ZMAT4: variants seen among roughly 807,000 people sequenced by gnomAD.
The protein encoded by ZMAT4 is zinc finger matrin-type protein 4.
ZMAT4 carries 17 observed loss-of-function variants against 28.7 expected under a neutral mutation model. That is an observed-to-expected ratio of 0.59 (90% confidence interval 0.41 to 0.89). The LOEUF (loss-of-function observed/expected upper bound fraction) is 0.89. ZMAT4 is among the 40% of genes least tolerant of loss of function. The pLI, the probability that ZMAT4 is intolerant of heterozygous loss-of-function variation, is 0.00. For synonymous variants in ZMAT4, 117 were observed against 109.2 expected (o/e 1.07, Z -0.44); for missense variants, 240 against 283.8 (o/e 0.85, Z 1.11).
At chr8:40,616,814 C>T (rs553995405) in intron 5 of ZMAT4, among the ~76,000 whole-genome samples, 2 of 149,894 alleles carry the variant, frequency 1.3e-5, no homozygotes, top group Non-Finnish European at 3.0e-5. Flanking sequence ...TGCAGCACAC[C>T]AACATGGCAC....
intron 2 of ZMAT4, among the ~76,000 whole-genome samples, chr8:40,820,880 TG>T (rs1815784272): frequency 7.6e-6 from 1 of 132,070 alleles, no homozygotes; most frequent in Admixed American, 7.8e-5. Context: ...TATGTGTGCA[TG>T]TGTATGTGTT....
At chr8:40,592,679 G>C (rs1804937372) in intron 5 of ZMAT4, among the ~76,000 whole-genome samples, 1 of 152,146 alleles carries the variant, frequency 6.6e-6, no homozygotes, top group Admixed American at 6.5e-5. Flanking sequence ...CCTGACCCAA[G>C]AAAGGGCTGG....
At chr8:40,719,120 G>C (rs1810972993) in intron 3 of ZMAT4, among the ~76,000 whole-genome samples, 1 of 151,978 alleles carries the variant, frequency 6.6e-6, no homozygotes, top group Non-Finnish European at 1.5e-5. Context: ...TCTCTCTTTT[G>C]GTAATTAAGA....
At chr8:40,889,700 T>C (rs1045414144) in intron 1 of ZMAT4, among the ~76,000 whole-genome samples, 1 of 152,258 alleles carries the variant, frequency 6.6e-6, no homozygotes, top group Non-Finnish European at 1.5e-5. Flanking sequence ...TATGTATTAT[T>C]CAATGTAATT....
At chr8:40,555,407 T>C (rs1803503177) in intron 6 of ZMAT4, among the ~76,000 whole-genome samples, 1 of 152,276 alleles carries the variant, frequency 6.6e-6, no homozygotes. Context: ...ATCTCAGATA[T>C]ACTCCACAGT....
At chr8:40,625,061 T>C (rs925358884) in intron 5 of ZMAT4, among the ~76,000 whole-genome samples, 3 of 152,262 alleles carry the variant, frequency 2.0e-5, no homozygotes, top group Non-Finnish European at 4.4e-5. Flanking sequence ...AAGCGACATT[T>C]GAGTTGCAAC....
rs1180364530 is a variant in ZMAT4, at chr8:40,531,687, C to G, written c.*536G>C. Reference sequence around the variant, plus strand: ...TCAGATGGTAAACCTGGCTCCTGTGCTTGGAGAACGGAGAAAACGACTGGT... The same window carrying G: ...TCAGATGGTAAACCTGGCTCCTGTGGTTGGAGAACGGAGAAAACGACTGGT... On this transcript the variant is annotated 3_prime_UTR_variant, in exon 7 of 7. Transcript: ENST00000297737. 6.6e-6 allele frequency: 1 copy of G among 151,682 alleles called. No homozygotes were observed. Among genetic ancestry groups the G allele is most frequent in the East Asian group, 1.9e-4 (1 of 5,192 alleles). 9.4% of individuals were successfully genotyped at this position (151,682 alleles called of 1,614,324 possible). A position where few individuals can be genotyped will look rare whatever the true frequency, so the allele number is the denominator to read the frequency against.
At chr8:40,827,801 C>G (rs1228139729) in intron 1 of ZMAT4, among the ~76,000 whole-genome samples, 1 of 152,234 alleles carries the variant, frequency 6.6e-6, no homozygotes, top group Non-Finnish European at 1.5e-5. Context: ...TCCTCCCCCA[C>G]AAGGCAACCT....
At chr8:40,555,320 TGGATGAACACTC>T (rs1803498941) in intron 6 of ZMAT4, among the ~76,000 whole-genome samples, 1 of 152,222 alleles carries the variant, frequency 6.6e-6, no homozygotes, top group African/African-American at 2.4e-5. Flanking sequence ...TATTTTCCTT[TGGATGAACACTC>T]AGTAGTGAGA....
chr8:40,676,703 C>T (rs1450417082), intron 4 of ZMAT4, among the ~76,000 whole-genome samples: 1 of 152,016 alleles, frequency 6.6e-6, no homozygotes, highest in Non-Finnish European at 1.5e-5. Flanking sequence ...CCAGAGATTT[C>T]ATTATATCGA....
chr8:40,542,348 T>G (rs1000061816), intron 6 of ZMAT4, among the ~76,000 whole-genome samples: 2 of 152,134 alleles, frequency 1.3e-5, no homozygotes, highest in Non-Finnish European at 2.9e-5. Flanking sequence ...AGCAGTAATA[T>G]GATCATCCGA....
chr8:40,731,148 C>A (rs1379284016), intron 3 of ZMAT4, among the ~76,000 whole-genome samples: 1 of 152,160 alleles, frequency 6.6e-6, no homozygotes, highest in Non-Finnish European at 1.5e-5. Flanking sequence ...TGCACCTCCC[C>A]ATTTGTTGCA....
chr8:40,730,418 G>A (rs1811487766), intron 3 of ZMAT4, among the ~76,000 whole-genome samples: 1 of 152,190 alleles, frequency 6.6e-6, no homozygotes, highest in Non-Finnish European at 1.5e-5. Context: ...TGTCTGTTGG[G>A]ATTCCAACAT....
rs956694051 is a variant in ZMAT4 at position 40,707,072 on chromosome 8, T to C, written c.193-9671A>G. Among the ~76,000 whole-genome samples the C allele has an allele frequency of 2.0e-5, 3 of 152,322 alleles. No individual in the cohort carries two copies. In the South Asian group the frequency reaches 6.2e-4, roughly 32 times the overall value. On this transcript the variant is annotated intron_variant, in intron 3 of 6. Coordinates refer to ENST00000297737, the MANE Select transcript of ZMAT4 (RefSeq NM_024645.3). ...ATATGTCTACCTGTCTTTGTTCACA[T>C]GGTTCACTCCAACTAGAAATGCCCC...
chr8:40,786,172 A>G (rs1563483184), intron 2 of ZMAT4, among the ~76,000 whole-genome samples: 1 of 152,218 alleles, frequency 6.6e-6, no homozygotes, highest in Non-Finnish European at 1.5e-5. Flanking sequence ...CTGGACTTCA[A>G]CAAGGGGGTG....
chr8:40,647,205 T>C (rs1807364959), intron 5 of ZMAT4, among the ~76,000 whole-genome samples: 1 of 152,024 alleles, frequency 6.6e-6, no homozygotes, highest in Non-Finnish European at 1.5e-5. Flanking sequence ...TGGGCGCAGG[T>C]CAGTGGGTGC....
intron 1 of ZMAT4, among the ~76,000 whole-genome samples, chr8:40,835,503 CA>C (rs1232256894): frequency 6.6e-6 from 1 of 152,216 alleles, no homozygotes; most frequent in African/African-American, 2.4e-5. Context: ...ATTTTCTTAA[CA>C]AGCTGAACGA....
At chr8:40,597,583 C>A (rs1458842319) in intron 5 of ZMAT4, among the ~76,000 whole-genome samples, 1 of 152,210 alleles carries the variant, frequency 6.6e-6, no homozygotes, top group Non-Finnish European at 1.5e-5. Context: ...TTCTCCACAG[C>A]ATTTAGCAAT....
At chr8:40,730,462 G>A (rs1811489199) in intron 3 of ZMAT4, among the ~76,000 whole-genome samples, 1 of 152,220 alleles carries the variant, frequency 6.6e-6, no homozygotes, top group African/African-American at 2.4e-5. Context: ...AAATGTGCAT[G>A]AATGTGCCAT....
Sources: gnomAD v4.1 joint callset for allele counts (sites outside exome capture counted in the v4.1 genomes callset) on GRCh38, gnomAD v4.1.1 for gene constraint, MANE v1.5 for transcripts, NCBI Gene and HGNC (gene_info 2026-07-23, HGNC 2026-07-21) for gene names.